SLC9A9: variants seen among roughly 807,000 people sequenced by gnomAD.
SLC9A9 encodes the protein sodium/hydrogen exchanger 9.
SLC9A9 carries 62 observed loss-of-function variants against 77.8 expected under a neutral mutation model. That is an observed-to-expected ratio of 0.80 (90% CI 0.65 to 0.98). SLC9A9 has a LOEUF of 0.98. Among genes scored for constraint, SLC9A9 ranks in the 50% least tolerant of loss-of-function variants. The probability of loss-of-function intolerance (pLI) is 0.00; values close to 1 mark genes in which losing one functional copy is unlikely to be tolerated. For synonymous variants in SLC9A9, 320 were observed against 283.5 expected (o/e 1.13, Z -1.29); for missense variants, 775 against 774.9 (o/e 1.00, Z 0.00).
intron 6 of SLC9A9, among the ~76,000 whole-genome samples, chr3:143,628,276 C>A (rs1355223617): frequency 6.6e-6 from 1 of 152,116 alleles, no homozygotes; most frequent in African/African-American, 2.4e-5. Flanking sequence ...TTGAAAATAT[C>A]GTTAAGTTGA....
At chr3:143,356,770 C>T (rs2032599540) in intron 14 of SLC9A9, among the ~76,000 whole-genome samples, 1 of 152,074 alleles carries the variant, frequency 6.6e-6, no homozygotes, top group African/African-American at 2.4e-5. Context: ...CCGCTTCCAC[C>T]CCCTAAGGTG....
At chr3:143,363,383 G>T in intron 14 of SLC9A9, 101 bp downstream of exon 14, 1 of 1,037,996 alleles carries the variant, frequency 9.6e-7, no homozygotes, top group Non-Finnish European at 1.5e-6. Context: ...TTACCTTTTG[G>T]TGTTTCTTGA....
chr3:143,462,467 A>C (rs867918272), intron 12 of SLC9A9, among the ~76,000 whole-genome samples: 17 of 152,128 alleles, frequency 1.1e-4, no homozygotes, highest in Admixed American at 7.2e-4. Flanking sequence ...TTTTTTACTG[A>C]TTTGGGGAAG....
chr3:143,290,584 A>G (rs1206312423), intron 14 of SLC9A9, among the ~76,000 whole-genome samples: 5 of 152,178 alleles, frequency 3.3e-5, no homozygotes, highest in African/African-American at 1.2e-4. Flanking sequence ...CATAGCATAG[A>G]AAAAGGATAC....
At chr3:143,460,745 C>T (rs558651556) in intron 12 of SLC9A9, among the ~76,000 whole-genome samples, 1 of 152,106 alleles carries the variant, frequency 6.6e-6, no homozygotes, top group Admixed American at 6.5e-5. Context: ...CCAGATGGCA[C>T]TGAAAGCAAA....
At position 143,266,104 on chromosome 3, in the gene SLC9A9, CAAG is replaced by C. The variant is rs1239746934; in HGVS notation, c.*595_*597del. 4 of 702,232 alleles carry C rather than the reference CAAG, an allele frequency of 5.7e-6. No individual in the cohort carries two copies. The South Asian group carries it at 5.9e-5, about 10-fold the overall frequency. 43.5% of individuals were successfully genotyped at this position (702,232 alleles called of 1,614,324 possible). On this transcript the variant is annotated 3_prime_UTR_variant, in exon 16 of 16. Transcript: ENST00000316549. Reference sequence around the variant, plus strand: ...GGGAGAAGTAGCATAAGAAGGATGCCAAGAAGAACAATAGGTTCTTCAACTCAG... The same window carrying C: ...GGGAGAAGTAGCATAAGAAGGATGCCAAGAACAATAGGTTCTTCAACTCAG...
At chr3:143,355,217 A>G (rs1446264605) in intron 14 of SLC9A9, among the ~76,000 whole-genome samples, 1 of 152,248 alleles carries the variant, frequency 6.6e-6, no homozygotes, top group Admixed American at 6.5e-5. Context: ...TGGTATTAAA[A>G]TACAGCTGTT....
chr3:143,768,352 T>G (rs1350641918), intron 4 of SLC9A9, among the ~76,000 whole-genome samples: 1 of 152,214 alleles, frequency 6.6e-6, no homozygotes, highest in Non-Finnish European at 1.5e-5. Context: ...TATTTAATCT[T>G]CACAACAACC....
chr3:143,669,519 A>C (rs2039125662), intron 5 of SLC9A9, among the ~76,000 whole-genome samples: 1 of 152,124 alleles, frequency 6.6e-6, no homozygotes, highest in Non-Finnish European at 1.5e-5. Context: ...ATCCACTTTC[A>C]ACATCCTGAA....
At chr3:143,726,973 G>A (rs6763423) in intron 4 of SLC9A9, among the ~76,000 whole-genome samples, 137,656 of 152,060 alleles carry the variant, frequency 0.91, 62,359 homozygotes, top group East Asian at 1. Context: ...ATTGAGATGA[G>A]TCATAGAAAA....
At chr3:143,514,405 G>GGGA (rs200313532) in intron 9 of SLC9A9, among the ~76,000 whole-genome samples, 3,090 of 152,200 alleles carry the variant, frequency 0.02, 100 homozygotes, top group African/African-American at 0.069. Context: ...TAAGTAAACA[G>GGGA]CTACATTAAT....
intron 12 of SLC9A9, among the ~76,000 whole-genome samples, chr3:143,405,538 A>G (rs112429113): frequency 6.6e-5 from 10 of 152,294 alleles, no homozygotes; most frequent in African/African-American, 2.2e-4. Flanking sequence ...TAGAAGCTGA[A>G]AAGGTGGTGA....
At chr3:143,443,014 G>A (rs1347897436) in intron 12 of SLC9A9, among the ~76,000 whole-genome samples, 1 of 152,114 alleles carries the variant, frequency 6.6e-6, no homozygotes, top group African/African-American at 2.4e-5. Flanking sequence ...TGCCATTTGA[G>A]CTACATAAAG....
At chr3:143,632,717 T>C (rs2038448129) in intron 6 of SLC9A9, among the ~76,000 whole-genome samples, 2 of 152,216 alleles carry the variant, frequency 1.3e-5, no homozygotes. Context: ...ATTTGAGGTT[T>C]GGGTTGCAGC....
chr3:143,699,293 T>C (rs1031755320), intron 4 of SLC9A9, among the ~76,000 whole-genome samples: 2 of 151,630 alleles, frequency 1.3e-5, no homozygotes, highest in African/African-American at 4.9e-5. Context: ...CCAGTGATTG[T>C]ACACCCCACA....
intron 1 of SLC9A9, among the ~76,000 whole-genome samples, chr3:143,837,853 C>G (rs887834016): frequency 6.6e-6 from 1 of 152,186 alleles, no homozygotes; most frequent in African/African-American, 2.4e-5. Context: ...TCTTTTCCAG[C>G]ATATTAATGG....
chr3:143,493,810 G>A, intron 10 of SLC9A9, 46 bp from the exon 11 acceptor site: 1 of 1,389,732 alleles, frequency 7.2e-7, no homozygotes, highest in Non-Finnish European at 1.0e-6. Flanking sequence ...TTGCTGCAAT[G>A]ATGGTTTGAA....
chr3:143,437,405 C>T (rs796377941), intron 12 of SLC9A9, among the ~76,000 whole-genome samples: 5 of 152,312 alleles, frequency 3.3e-5, no homozygotes, highest in Middle Eastern at 3.4e-3. Context: ...CCACAACGGT[C>T]GTCAGTGGAC....
At chr3:143,658,253 A>G (rs1281584831) in intron 5 of SLC9A9, among the ~76,000 whole-genome samples, 1 of 152,214 alleles carries the variant, frequency 6.6e-6, no homozygotes, top group Non-Finnish European at 1.5e-5. Flanking sequence ...TGATACCAAA[A>G]ATCTTGAGAA....
Sources: allele counts gnomAD v4.1 joint callset (sites outside exome capture counted in the v4.1 genomes callset), GRCh38; gene constraint gnomAD v4.1.1; transcripts MANE v1.5; gene names NCBI Gene and HGNC (gene_info 2026-07-23, HGNC 2026-07-21).